The following LRRC20 variants were observed in gnomAD, a reference collection of about 807,000 sequenced individuals.
LRRC20 encodes the protein leucine rich repeat containing 20, also known as leucine-rich repeat-containing protein 20.
A neutral mutation model predicts 14.4 loss-of-function variants in LRRC20; 11 were observed. The observed-to-expected ratio is 0.77, with a 90% CI of 0.48 to 1.27. The LOEUF (loss-of-function observed/expected upper bound fraction) is 1.27, where lower values mean the gene tolerates loss of function less well. Among genes scored for constraint, LRRC20 ranks in the 50% most tolerant of loss-of-function variants. LRRC20 has a pLI of 0.00. For missense variants in LRRC20, 219 were observed against 251.2 expected (o/e 0.87, Z 0.87); for synonymous variants, 121 against 107.3 (o/e 1.13, Z -0.79).
chr10:70,304,481 T>TATATATATATATATATATATAC (rs1841335770), intron 4 of LRRC20, among the ~76,000 whole-genome samples: 1 of 58,440 alleles, frequency 1.7e-5, no homozygotes. Flanking sequence ...TATATATATA[T>TATATATATATATATATATATAC]ATATATATAT....
chr10:70,364,787 C>T (rs1843908773), intron 2 of LRRC20, among the ~76,000 whole-genome samples: 1 of 152,166 alleles, frequency 6.6e-6, no homozygotes, highest in South Asian at 2.1e-4. Context: ...CCTTGGTCTC[C>T]CTGTTTGATT....
intron 2 of LRRC20, among the ~76,000 whole-genome samples, chr10:70,369,078 A>G (rs550451252): frequency 6.6e-6 from 1 of 152,352 alleles, no homozygotes; most frequent in East Asian, 1.9e-4. Flanking sequence ...CTTTAACTCA[A>G]GACAGCCTAA....
chr10:70,356,328 A>C (rs1843516270), intron 2 of LRRC20, among the ~76,000 whole-genome samples: 1 of 152,040 alleles, frequency 6.6e-6, no homozygotes, highest in Non-Finnish European at 1.5e-5. Context: ...CCTGGGCAAC[A>C]CAGTAAAACC....
intron 2 of LRRC20, among the ~76,000 whole-genome samples, chr10:70,353,736 G>C (rs1165038971): frequency 6.6e-6 from 1 of 152,226 alleles, no homozygotes; most frequent in African/African-American, 2.4e-5. Flanking sequence ...GTCTTGGTTA[G>C]TAAGCTGCTG....
intron 4 of LRRC20, 69 bp from the exon 5 acceptor site, chr10:70,301,577 C>G (rs772590532): frequency 1.9e-6 from 3 of 1,556,426 alleles, no homozygotes; most frequent in Non-Finnish European, 2.6e-6. Flanking sequence ...GACAATGGGC[C>G]ATGAGGACTC....
chr10:70,350,167 G>A (rs904216812), intron 2 of LRRC20, among the ~76,000 whole-genome samples: 1 of 152,288 alleles, frequency 6.6e-6, no homozygotes, highest in South Asian at 2.1e-4. Flanking sequence ...GTCAGGAATG[G>A]CATGGTAGGT....
intron 4 of LRRC20, among the ~76,000 whole-genome samples, chr10:70,309,761 C>G (rs969416452): frequency 3.3e-5 from 5 of 152,260 alleles, no homozygotes; most frequent in Admixed American, 3.3e-4. Context: ...TGTCCCTCAC[C>G]TGGGAAGGCC....
At chr10:70,342,152 A>C (rs144949409) in intron 2 of LRRC20, among the ~76,000 whole-genome samples, 76 of 152,092 alleles carry the variant, frequency 5.0e-4, no homozygotes, top group African/African-American at 1.6e-3. Context: ...TACAAAAAAA[A>C]CAAAAAAATT....
chr10:70,360,258 T>G (rs1843674910), intron 2 of LRRC20, among the ~76,000 whole-genome samples: 1 of 152,182 alleles, frequency 6.6e-6, no homozygotes, highest in Admixed American at 6.5e-5. Flanking sequence ...GGTATTGCTA[T>G]CTTGCCCATG....
At chr10:70,364,908 C>T (rs4747016) in intron 2 of LRRC20, among the ~76,000 whole-genome samples, 140,508 of 152,154 alleles carry the variant, frequency 0.92, 65,030 homozygotes, top group Middle Eastern at 0.97. Context: ...CCAGGCAATG[C>T]CCCTGCCCCA....
chr10:70,332,637 T>A (rs1246481461), intron 3 of LRRC20, among the ~76,000 whole-genome samples: 1 of 152,212 alleles, frequency 6.6e-6, no homozygotes, highest in Non-Finnish European at 1.5e-5. Flanking sequence ...GAGGGAGACC[T>A]GTTTCAAAAG....
At position 70,320,340 on chromosome 10, in the gene LRRC20, TA is replaced by T. The variant is rs558588184; in HGVS notation, c.400+3522del. Among the ~76,000 whole-genome samples the T allele has an allele frequency of 1.3e-4, 20 of 152,082 alleles. No homozygotes were observed. The South Asian group carries it at 3.7e-3, about 28-fold the overall frequency. ...ATAGATAGATAGATAGATAGATAGA[TA>T]GATAGATCTGTGCATGCACATAGTA... On this transcript the variant is annotated intron_variant, in intron 4 of 4. Coordinates refer to ENST00000446961, the MANE Select transcript of LRRC20 (RefSeq NM_001278212.2).
At position 70,351,986 on chromosome 10, in the gene LRRC20, A is replaced by T. The variant is rs1161331795; in HGVS notation, c.83-11284T>A. ...GCCGAGTAAACTACAACTGTTGAGC[A>T]AGTTCCAGCTTTTCTCAAGTTAGTT... On this transcript the variant is annotated intron_variant, in intron 2 of 4. Coordinates refer to ENST00000446961, the MANE Select transcript of LRRC20 (RefSeq NM_001278212.2). Among the ~76,000 whole-genome samples, 5 of 152,224 alleles carry T rather than the reference A, an allele frequency of 3.3e-5. No homozygotes were observed. The South Asian group carries it at 8.3e-4, about 25-fold the overall frequency.
At chr10:70,313,116 C>CA (rs1465186575) in intron 4 of LRRC20, among the ~76,000 whole-genome samples, 1 of 152,148 alleles carries the variant, frequency 6.6e-6, no homozygotes, top group African/African-American at 2.4e-5. Flanking sequence ...CAATTCTTTG[C>CA]AAAAATGACT....
chr10:70,353,315 T>G (rs1182711405), intron 2 of LRRC20, among the ~76,000 whole-genome samples: 7 of 151,664 alleles, frequency 4.6e-5, no homozygotes, highest in Admixed American at 3.3e-4. Flanking sequence ...TAAAAAACAT[T>G]TACAAAGTGC....
intron 4 of LRRC20, among the ~76,000 whole-genome samples, chr10:70,317,672 T>G (rs1189521418): frequency 6.6e-6 from 1 of 152,134 alleles, no homozygotes; most frequent in Non-Finnish European, 1.5e-5. Context: ...AGCCCCCAGG[T>G]CCAGTCAGGC....
Position 70,301,245 on chromosome 10 carries a change from G to A in LRRC20, c.*109C>T, listed in dbSNP as rs1363167263. 10 of 1,465,060 alleles carry A rather than the reference G, an allele frequency of 6.8e-6. No individual in the cohort carries two copies. Among genetic ancestry groups the A allele is most frequent in the South Asian group, 2.7e-5 (2 of 73,420 alleles). 90.8% of individuals were successfully genotyped at this position (1,465,060 alleles called of 1,614,324 possible). A position where few individuals can be genotyped will look rare whatever the true frequency, so the allele number is the denominator to read the frequency against. ...CACCCCACCCACCACGTGCTGCTCG[G>A]CCCACCCGCCCCCAGCCCCCAGGCT... On this transcript the variant is annotated 3_prime_UTR_variant, in exon 5 of 5. Transcript: ENST00000446961.
Position 70,341,530 on chromosome 10 carries a change from G to T in LRRC20, c.83-828C>A, listed in dbSNP as rs192907352. Reference sequence around the variant, plus strand: ...CGCCTGTAATCCCAGCACTTTGGGAGGCCAAGGTGGGTGGATGGCTTGAAG... The same window carrying T: ...CGCCTGTAATCCCAGCACTTTGGGATGCCAAGGTGGGTGGATGGCTTGAAG... On this transcript the variant is annotated intron_variant, in intron 2 of 4. Transcript: ENST00000446961. Among the ~76,000 whole-genome samples, 53 of 152,338 alleles carry T rather than the reference G, an allele frequency of 3.5e-4. 1 individual carries two copies. In the East Asian group the frequency reaches 9.3e-3, roughly 27 times the overall value.
intron 2 of LRRC20, among the ~76,000 whole-genome samples, chr10:70,357,379 T>C (rs74719981): frequency 0.048 from 7,256 of 152,242 alleles, 222 homozygotes; most frequent in South Asian, 0.096. Context: ...CAAAAAGAAA[T>C]GAGGACAACA....
Sources: allele counts gnomAD v4.1 joint callset (sites outside exome capture counted in the v4.1 genomes callset), GRCh38; gene constraint gnomAD v4.1.1; transcripts MANE v1.5; gene names NCBI Gene and HGNC (gene_info 2026-07-23, HGNC 2026-07-21).